CDHR5: variants seen among roughly 807,000 people sequenced by gnomAD.
CDHR5 encodes cadherin related family member 5, also known as cadherin-related family member 5.
In CDHR5, 82 loss-of-function variants were observed where a neutral mutation model predicts 69.5. The observed-to-expected ratio is 1.18, with a 90% CI of 0.99 to 1.42. CDHR5 has a LOEUF of 1.42. Ranked by LOEUF, CDHR5 falls within the 40% of genes most tolerant of loss-of-function variation. The pLI, the probability that CDHR5 is intolerant of heterozygous loss-of-function variation, is 0.00. For synonymous variants in CDHR5, 601 were observed against 510.2 expected (o/e 1.18, Z -2.40); for missense variants, 1,293 against 1,168.9 (o/e 1.11, Z -1.55).
At chr11:622,125 A>G (rs1357976417) in intron 3 of CDHR5, among the ~76,000 whole-genome samples, 2 of 148,984 alleles carry the variant, frequency 1.3e-5, no homozygotes, top group Non-Finnish European at 3.0e-5. Flanking sequence ...TGCACCCCTC[A>G]ACGGCCACCC....
Position 620,278 on chromosome 11 carries a change from G to C in CDHR5, c.880+18C>G. On this transcript the variant is annotated intron_variant, in intron 8 of 14. Coordinates refer to ENST00000397542, the MANE Select transcript of CDHR5 (RefSeq NM_021924.5). The stretch of plus-strand genomic sequence containing the variant: ...CAGAGGGGGTACAGGGCATTGTTGA[G>C]GGCTGGGCCCCACTCACCCCTAAAG... 6.2e-7 allele frequency: 1 copy of C among 1,603,344 alleles called. No individual in the cohort carries two copies.
At chr11:620,974 CA>C in intron 7 of CDHR5, 105 bp downstream of exon 7, 23 of 732,454 alleles carry the variant, frequency 3.1e-5, no homozygotes, top group Non-Finnish European at 3.6e-5. Flanking sequence ...AAATCGGCCC[CA>C]CCCCCTGACC....
chr11:618,500 G>A, intron 13 of CDHR5, 99 bp downstream of exon 13: 5 of 1,390,714 alleles, frequency 3.6e-6, no homozygotes, highest in Non-Finnish European at 3.0e-6. Flanking sequence ...GGGATTTCAT[G>A]GTCAGGCCAG....
chr11:621,282 G>A lies in CDHR5; in HGVS notation c.619-32C>T, dbSNP rs374820890. ...CAGACGGCTGTGCTGGATCAGGCCT[G>A]GGAGCAGCTGGGGCCGGGGGGCCTC... On this transcript the variant is annotated intron_variant, in intron 6 of 14. Coordinates refer to ENST00000397542, the MANE Select transcript of CDHR5 (RefSeq NM_021924.5). The surrounding 1 kb of genome is among the most constrained non-coding windows in gnomAD (Gnocchi z 4.4). 3.1e-6 allele frequency: 5 copies of A among 1,610,006 alleles called. No individual in the cohort carries two copies. The highest frequency in any genetic ancestry group is 2.7e-5 in the African/African-American group (2 of 75,002).
rs1333256125 is a variant in CDHR5 at position 621,702 on chromosome 11, G to T, written c.406-39C>A. On this transcript the variant is annotated intron_variant, in intron 4 of 14. Coordinates refer to ENST00000397542, the MANE Select transcript of CDHR5 (RefSeq NM_021924.5). This position sits in a 1 kb window ranked among gnomAD's most constrained non-coding sequence, Gnocchi z 4.4. ...GGGGCTTGGTCCGGCCACACTCTTG[G>T]CCCCTGTGGACCCCCACTGTGGTTG... 2 of 1,563,976 alleles carry T rather than the reference G, an allele frequency of 1.3e-6. No individual in the cohort carries two copies. The highest frequency in any genetic ancestry group is 1.8e-6 in the Non-Finnish European group (2 of 1,135,210).
At position 617,021 on chromosome 11, in the gene CDHR5, C is replaced by A. The variant is rs1390394672; in HGVS notation, c.*330G>T. The stretch of plus-strand genomic sequence containing the variant: ...TGCAGGTCGGGGGAGGGGAGCCCCC[C>A]TCGGGCTGTGGTTAGAGCGGGAGAG... On this transcript the variant is annotated 3_prime_UTR_variant, in exon 15 of 15. Coordinates refer to ENST00000397542, the MANE Select transcript of CDHR5 (RefSeq NM_021924.5). The A allele has an allele frequency of 5.7e-6, 2 of 350,764 alleles. No homozygotes were observed. The highest frequency in any genetic ancestry group is 2.1e-5 in the African/African-American group (1 of 46,654). The allele number at this position is 350,764 out of a possible 1,614,324, so 21.7% of individuals were successfully genotyped here.
Position 624,241 on chromosome 11 carries a change from T to C in CDHR5, c.284A>G (p.Gln95Arg). Residue 95 changes from glutamine to arginine, a missense_variant, in exon 3 of 15, where the codon CAG (glutamine) becomes CGG (arginine). By Grantham distance (43) the Gln-to-Arg change is conservative. Transcript: ENST00000397542. The surrounding 1 kb of genome is among the most constrained non-coding windows in gnomAD (Gnocchi z 5.3). Reference protein sequence around the residue: ...DYEEKSLLEAQLLCQSGGTLV... With the variant: ...DYEEKSLLEARLLCQSGGTLV... ...TGTGCCTCCGCTCTGACACAGCAGC[T>C]GAGCCTCAAGCAGTGACTTCTCCTG... is the stretch of plus-strand genomic sequence containing the variant. The C allele has an allele frequency of 1.3e-6, 1 of 771,570 alleles. No homozygotes were observed. The highest frequency in any genetic ancestry group is 2.4e-6 in the Non-Finnish European group (1 of 414,370). 47.8% of individuals were successfully genotyped at this position (771,570 alleles called of 1,614,324 possible). A position where few individuals can be genotyped will look rare whatever the true frequency, so the allele number is the denominator to read the frequency against.
Position 619,784 on chromosome 11 carries a change from TAC to T in CDHR5, c.1074_1075del (p.Tyr359SerfsTer74). The T allele has an allele frequency of 6.2e-7, 1 of 1,609,760 alleles. No individual in the cohort carries two copies. Among genetic ancestry groups the T allele is most frequent in the Non-Finnish European group, 8.5e-7 (1 of 1,179,496 alleles). On this transcript the variant is annotated frameshift_variant, in exon 10 of 15. Coordinates refer to ENST00000397542, the MANE Select transcript of CDHR5 (RefSeq NM_021924.5). LOFTEE classifies it high-confidence loss of function. ...AGCGCCACGCGCCACGGTGCCACGA[TAC>T]AGTCTCTGGGGGAAGCGGGGCGGGC...
chr11:624,774 G>T lies in CDHR5; in HGVS notation c.86-42C>A. On this transcript the variant is annotated intron_variant, in intron 1 of 14. Coordinates refer to ENST00000397542, the MANE Select transcript of CDHR5 (RefSeq NM_021924.5). This position sits in a 1 kb window ranked among gnomAD's most constrained non-coding sequence, Gnocchi z 5.3. ...GAGGGATCAGTGCCTCCCAGCCCCT[G>T]GCTCCCCGCCGCCCGTGCCCCACCT... is the stretch of plus-strand genomic sequence containing the variant. 1 of 1,604,056 alleles carries T rather than the reference G, an allele frequency of 6.2e-7. No individual in the cohort carries two copies. The highest frequency in any genetic ancestry group is 8.5e-7 in the Non-Finnish European group (1 of 1,173,776).
At chr11:620,888 G>T (rs1486199955) in intron 7 of CDHR5, among the ~76,000 whole-genome samples, 192 bp downstream of exon 7, 2 of 152,158 alleles carry the variant, frequency 1.3e-5, no homozygotes, top group East Asian at 1.9e-4. Flanking sequence ...TGTGTTCAGG[G>T]TTTGCTCCCT....
Position 617,039 on chromosome 11 carries a change from C to A in CDHR5, c.*312G>T. On this transcript the variant is annotated 3_prime_UTR_variant, in exon 15 of 15. Coordinates refer to ENST00000397542, the MANE Select transcript of CDHR5 (RefSeq NM_021924.5). ...AGCCCCCCTCGGGCTGTGGTTAGAGCGGGAGAGGAACTTCCCAGACTAGCT... is the reference window on the plus strand; with the variant it reads ...AGCCCCCCTCGGGCTGTGGTTAGAGAGGGAGAGGAACTTCCCAGACTAGCT... 2.4e-6 allele frequency: 1 copy of A among 410,024 alleles called. No homozygotes were observed. Among genetic ancestry groups the A allele is most frequent in the East Asian group, 4.3e-5 (1 of 23,516 alleles). 25.4% of individuals were successfully genotyped at this position (410,024 alleles called of 1,614,324 possible). A position where few individuals can be genotyped will look rare whatever the true frequency, so the allele number is the denominator to read the frequency against.
Position 619,168 on chromosome 11 carries a change from GA to G in CDHR5, c.1390del (p.Ser464ProfsTer47), listed in dbSNP as rs751025998. ...QEPPSTDVPP[S>X]PEAGGTTGPW... ...CCCAGTTGTTCCTCCAGCCTCTGGG[GA>G]TGGGGGGACATCTGGGGGCCGGGAA... is the stretch of plus-strand genomic sequence containing the variant. On this transcript the variant is annotated frameshift_variant, in exon 13 of 15. Transcript: ENST00000397542. LOFTEE classifies it high-confidence loss of function. 1.1e-4 allele frequency: 164 copies of G among 1,546,870 alleles called. 1 individual carries two copies. The highest frequency in any genetic ancestry group is 1.4e-4 in the Non-Finnish European group (155 of 1,147,918).
chr11:621,718 A>T lies in CDHR5; in HGVS notation c.406-55T>A. 1 of 1,550,474 alleles carries T rather than the reference A, an allele frequency of 6.4e-7. No homozygotes were observed. Among genetic ancestry groups the T allele is most frequent in the Non-Finnish European group, 8.9e-7 (1 of 1,123,552 alleles). On this transcript the variant is annotated intron_variant, in intron 4 of 14. Coordinates refer to ENST00000397542, the MANE Select transcript of CDHR5 (RefSeq NM_021924.5). This position sits in a 1 kb window ranked among gnomAD's most constrained non-coding sequence, Gnocchi z 4.4. Reference sequence around the variant, plus strand: ...ACACTCTTGGCCCCTGTGGACCCCCACTGTGGTTGAGCCCCCGGCCACCAC... The same window carrying T: ...ACACTCTTGGCCCCTGTGGACCCCCTCTGTGGTTGAGCCCCCGGCCACCAC...
At chr11:619,974 G>C in intron 9 of CDHR5, 93 bp from the exon 10 acceptor site, 3 of 1,394,988 alleles carry the variant, frequency 2.2e-6, no homozygotes, top group Non-Finnish European at 2.9e-6. Context: ...CAGACTTGGC[G>C]GGGGCCCTGC....
rs554991911 is a variant in CDHR5 at position 619,358 on chromosome 11, G to T, written c.1326C>A (p.Thr442=). ...CTTGTATCTCAATGACTGTGGTTGC[G>T]GTGCCAGAGGTCACCGTGTTGTGGG... The part of the protein sequence containing the change: ...VEAHNTVTSG[T]ATTVIEIQVS... Residue 442 remains threonine (T), a synonymous_variant, in exon 12 of 15, where the codon ACC becomes ACA. Transcript: ENST00000397542. 2.5e-6 allele frequency: 4 copies of T among 1,613,670 alleles called. No individual in the cohort carries two copies. The highest frequency in any genetic ancestry group is 3.4e-6 in the Non-Finnish European group (4 of 1,179,794).
rs773355932 is a variant in CDHR5, at chr11:624,198, G to A, written c.312+15C>T. The A allele has an allele frequency of 1.3e-5, 10 of 752,816 alleles. No individual in the cohort carries two copies. The highest frequency in any genetic ancestry group is 1.0e-4 in the African/African-American group (6 of 58,758). 46.6% of individuals were successfully genotyped at this position (752,816 alleles called of 1,614,324 possible). The stretch of plus-strand genomic sequence containing the variant: ...GGTGGCCGGGTGGGGCGGGGAGAGC[G>A]GGGCGGGGACTCACCAATGTGCCTC... On this transcript the variant is annotated intron_variant, in intron 3 of 14. Coordinates refer to ENST00000397542, the MANE Select transcript of CDHR5 (RefSeq NM_021924.5). The surrounding 1 kb of genome is among the most constrained non-coding windows in gnomAD (Gnocchi z 5.3).
Position 620,182 on chromosome 11 carries a change from G to A in CDHR5, c.881-18C>T, listed in dbSNP as rs749378701. 2.8e-5 allele frequency: 45 copies of A among 1,609,614 alleles called. No individual in the cohort carries two copies. Among genetic ancestry groups the A allele is most frequent in the South Asian group, 4.4e-5 (4 of 90,838 alleles). ...CACGTTTCCTGGGAGGATGATGGAAGTGCTCAGCCCCGGCCCCCTGAGGCC... is the reference window on the plus strand; with the variant it reads ...CACGTTTCCTGGGAGGATGATGGAAATGCTCAGCCCCGGCCCCCTGAGGCC... On this transcript the variant is annotated intron_variant, in intron 8 of 14. Coordinates refer to ENST00000397542, the MANE Select transcript of CDHR5 (RefSeq NM_021924.5).
chr11:617,452 C>T lies in CDHR5; in HGVS notation c.2437G>A (p.Val813Met), dbSNP rs199739008. ...CTGCCGGAGTCACTGGCGCCATCCA[C>T]GTCCAGGGTGGGCGCGTTGAGAACG... ...VVVLNAPTLD[V>M]DGASDSGSGD... is the part of the protein sequence containing the mutation. Residue 813 changes from valine to methionine, a missense_variant, in exon 15 of 15, where the codon GTG (valine) becomes ATG (methionine). Transcript: ENST00000397542. The T allele has an allele frequency of 1.2e-4, 187 of 1,612,504 alleles. No individual in the cohort carries two copies. In the East Asian group the frequency reaches 3.8e-3, roughly 33 times the overall value.
In CDHR5 at chr11:619,321, C is replaced by G; in HGVS notation, c.1363G>C (p.Glu455Gln). 1.9e-6 allele frequency: 3 copies of G among 1,612,268 alleles called. No homozygotes were observed. The highest frequency in any genetic ancestry group is 2.7e-5 in the African/African-American group (2 of 74,966). ...TVIEIQVSEQ[E>Q]PPSTDVPPSP... ...GGGGGCTTACCTGTGGAGGGGGGCT[C>G]CTGTTCGGAAACTTGTATCTCAATG... Residue 455 changes from glutamate to glutamine, a missense_variant, in exon 12 of 15, where the codon GAG (glutamate) becomes CAG (glutamine). By Grantham distance (29) the Glu-to-Gln change is conservative (BLOSUM62 2). Transcript: ENST00000397542.
Sources: gnomAD v4.1 joint callset for allele counts (sites outside exome capture counted in the v4.1 genomes callset) on GRCh38, gnomAD v4.1.1 for gene constraint, Gnocchi (gnomAD v3.1) non-coding constraint, MANE v1.5 for transcripts, NCBI Gene and HGNC (gene_info 2026-07-23, HGNC 2026-07-21) for gene names.